The following HOXA5 variants were observed in gnomAD, a reference collection of about 807,000 sequenced individuals.
The protein encoded by HOXA5 is homeobox protein Hox-A5.
HOXA5 carries 12 observed loss-of-function variants against 20.0 expected under a neutral mutation model. The ratio of observed to expected loss-of-function variants is 0.60; its 90% CI spans 0.38 to 0.97. The LOEUF (loss-of-function observed/expected upper bound fraction) is 0.97. Among genes scored for constraint, HOXA5 ranks in the 50% least tolerant of loss-of-function variants. The probability of loss-of-function intolerance (pLI) is 0.00; values close to 1 mark genes in which losing one functional copy is unlikely to be tolerated. For missense variants in HOXA5, 352 were observed against 380.3 expected (o/e 0.93, Z 0.62); for synonymous variants, 159 against 157.7 (o/e 1.01, Z -0.06).
At position 27,143,435 on chromosome 7, in the gene HOXA5, C is replaced by A. The variant is rs1782646637; in HGVS notation, c.173G>T (p.Arg58Leu). 1.9e-6 allele frequency: 3 copies of A among 1,612,934 alleles called. No homozygotes were observed. The highest frequency in any genetic ancestry group is 2.5e-6 in the Non-Finnish European group (3 of 1,179,766). ...GYNGMDLSVG[R>L]SGSGHFGSGE... ...GGAGCCAAAGTGGCCGGAGCCCGAG[C>A]GGCCGACGCTGAGATCCATGCCATT... The change falls in exon 1 of 2, where the codon CGC becomes CTC. Residue 58 changes from arginine to leucine, a missense_variant. Arg to Leu is a moderately radical substitution (Grantham distance 102). Transcript: ENST00000222726.
rs1270485937 is a variant in HOXA5, at chr7:27,143,386, A to G, written c.222T>C (p.Ala74=). The change falls in exon 1 of 2, where the codon GCT becomes GCC. Residue 74 remains alanine, a synonymous_variant. Coordinates refer to ENST00000222726, the MANE Select transcript of HOXA5 (RefSeq NM_019102.4). ...FGSGERARSY[A]ASASAAPAEP... Reference sequence around the variant, plus strand: ...CGGCGGGCGCCGCGCTGGCGCTGGCAGCGTAGCTGCGGGCGCGCTCTCCGG... The same window carrying G: ...CGGCGGGCGCCGCGCTGGCGCTGGCGGCGTAGCTGCGGGCGCGCTCTCCGG... The G allele has an allele frequency of 2.5e-6, 4 of 1,600,520 alleles. No individual in the cohort carries two copies. In the African/African-American group the frequency reaches 5.4e-5, roughly 22 times the overall value.
chr7:27,143,668 C>G lies in HOXA5; in HGVS notation c.-61G>C. The G allele has an allele frequency of 1.3e-6, 2 of 1,524,138 alleles. No individual in the cohort carries two copies. The highest frequency in any genetic ancestry group is 4.1e-5 in the Admixed American group (2 of 48,546). 94.4% of individuals were successfully genotyped at this position (1,524,138 alleles called of 1,614,324 possible). A position where few individuals can be genotyped will look rare whatever the true frequency, so the allele number is the denominator to read the frequency against. On this transcript the variant is annotated 5_prime_UTR_variant, in exon 1 of 2. Coordinates refer to ENST00000222726, the MANE Select transcript of HOXA5 (RefSeq NM_019102.4). ...CGGTCGTTTGTGCGTCTATAGCACC[C>G]TTGCACAATTTATGATGAATTATGG...
In HOXA5 at chr7:27,141,739, C is replaced by G. The variant is rs1375227262; in HGVS notation, c.*96G>C. 4 of 1,470,236 alleles carry G rather than the reference C, an allele frequency of 2.7e-6. No homozygotes were observed. Among genetic ancestry groups the G allele is most frequent in the Non-Finnish European group, 3.7e-6 (4 of 1,085,888 alleles). The allele number at this position is 1,470,236 out of a possible 1,614,324, so 91.1% of individuals were successfully genotyped here. On this transcript the variant is annotated 3_prime_UTR_variant, in exon 2 of 2. Transcript: ENST00000222726. ...TAGGGCAACGAGAACAGGGCTTCTT[C>G]ACAGAAGGAACACAAGGGAGTTTCA...
chr7:27,141,128 A>AAAAAAAAAAAAAC lies in HOXA5; in HGVS notation c.*706_*707insGTTTTTTTTTTTT. On this transcript the variant is annotated 3_prime_UTR_variant, in exon 2 of 2. Coordinates refer to ENST00000222726, the MANE Select transcript of HOXA5 (RefSeq NM_019102.4). ...AAAACAAATACAAAAAAAAAAAAAA[A>AAAAAAAAAAAAAC]AAAAAAAAAGCTGATCACAGTTTGC... The AAAAAAAAAAAAAC allele has an allele frequency of 6.6e-6, 1 of 151,692 alleles. No homozygotes were observed. Among genetic ancestry groups the AAAAAAAAAAAAAC allele is most frequent in the South Asian group, 2.1e-4 (1 of 4,828 alleles). The allele number at this position is 151,692 out of a possible 1,614,324, so 9.4% of individuals were successfully genotyped here.
In HOXA5 at chr7:27,142,105, G is replaced by A. The variant is rs749882355; in HGVS notation, c.563-20C>T. ...TGTTGTCTGCAATAGAAAAGTCAGC[G>A]GTTTAGCCACCAACTCCTGTCTTCC... On this transcript the variant is annotated intron_variant, in intron 1 of 1. Coordinates refer to ENST00000222726, the MANE Select transcript of HOXA5 (RefSeq NM_019102.4). The A allele has an allele frequency of 1.2e-6, 2 of 1,606,164 alleles. No homozygotes were observed. Among genetic ancestry groups the A allele is most frequent in the Non-Finnish European group, 8.5e-7 (1 of 1,177,864 alleles).
chr7:27,141,844 G>A lies in HOXA5; in HGVS notation c.804C>T (p.Phe268=), dbSNP rs1463598698. The A allele has an allele frequency of 1.2e-6, 2 of 1,613,988 alleles. No homozygotes were observed. Among genetic ancestry groups the A allele is most frequent in the East Asian group, 4.5e-5 (2 of 44,884 alleles). The change falls in exon 2 of 2, where the codon TTC becomes TTT. Residue 268 remains phenylalanine (F), a synonymous_variant. Coordinates refer to ENST00000222726, the MANE Select transcript of HOXA5 (RefSeq NM_019102.4). ...SMSMAAAGGA[F]RP ...TTAAACGCTCAGATACTCAGGGACGGAAGGCCCCTCCTGCCGCGGCCATGC... is the reference window on the plus strand; with the variant it reads ...TTAAACGCTCAGATACTCAGGGACGAAAGGCCCCTCCTGCCGCGGCCATGC...
chr7:27,141,687 A>T lies in HOXA5; in HGVS notation c.*148T>A. 1.0e-6 allele frequency: 1 copy of T among 969,384 alleles called. No homozygotes were observed. The highest frequency in any genetic ancestry group is 2.5e-5 in the East Asian group (1 of 40,022). The allele number at this position is 969,384 out of a possible 1,614,324, so 60.0% of individuals were successfully genotyped here. On this transcript the variant is annotated 3_prime_UTR_variant, in exon 2 of 2. Coordinates refer to ENST00000222726, the MANE Select transcript of HOXA5 (RefSeq NM_019102.4). ...CTTATACAGGCGCTATAATGGCAAT[A>T]AACAGGCTCATGATTAAAAGATGAA...
Position 27,143,248 on chromosome 7 carries a change from G to A in HOXA5, c.360C>T (p.Asn120=). 2 of 1,608,634 alleles carry A rather than the reference G, an allele frequency of 1.2e-6. No individual in the cohort carries two copies. Among genetic ancestry groups the A allele is most frequent in the East Asian group, 4.5e-5 (2 of 44,804 alleles). Residue 120 remains asparagine, a synonymous_variant, in exon 1 of 2, where the codon AAC becomes AAT. Transcript: ENST00000222726. The stretch of plus-strand genomic sequence containing the variant: ...AGGCGCCGCTGGAGTTGCTTAGGGA[G>A]TTTTTCCCGCCGTGGTGGCTGTCGC... ...PGSDSHHGGK[N]SLSNSSGASA... is the part of the protein sequence containing the mutation.
At position 27,141,696 on chromosome 7, in the gene HOXA5, C is replaced by T; in HGVS notation, c.*139G>A. On this transcript the variant is annotated 3_prime_UTR_variant, in exon 2 of 2. Coordinates refer to ENST00000222726, the MANE Select transcript of HOXA5 (RefSeq NM_019102.4). Reference sequence around the variant, plus strand: ...GCGCTATAATGGCAATAAACAGGCTCATGATTAAAAGATGAATTAGGGCAA... The same window carrying T: ...GCGCTATAATGGCAATAAACAGGCTTATGATTAAAAGATGAATTAGGGCAA... The T allele has an allele frequency of 9.5e-7, 1 of 1,051,052 alleles. No homozygotes were observed. Among genetic ancestry groups the T allele is most frequent in the Non-Finnish European group, 1.4e-6 (1 of 722,978 alleles). The allele number at this position is 1,051,052 out of a possible 1,614,324, so 65.1% of individuals were successfully genotyped here. A position where few individuals can be genotyped will look rare whatever the true frequency, so the allele number is the denominator to read the frequency against.
At position 27,141,842 on chromosome 7, in the gene HOXA5, CG is replaced by C. The variant is rs1782579645; in HGVS notation, c.805del (p.Arg269ValfsTer8). 6.2e-7 allele frequency: 1 copy of C among 1,613,854 alleles called. No homozygotes were observed. The highest frequency in any genetic ancestry group is 1.7e-5 in the Admixed American group (1 of 60,024). On this transcript the variant is annotated frameshift_variant, in exon 2 of 2. Coordinates refer to ENST00000222726, the MANE Select transcript of HOXA5 (RefSeq NM_019102.4). LOFTEE classifies it high-confidence loss of function. Reference sequence around the variant, plus strand: ...CTTTAAACGCTCAGATACTCAGGGACGGAAGGCCCCTCCTGCCGCGGCCATG... The same window carrying C: ...CTTTAAACGCTCAGATACTCAGGGACGAAGGCCCCTCCTGCCGCGGCCATG... ...MSMAAAGGAFRP is the reference protein window; with the variant it reads ...MSMAAAGGAFXP
In HOXA5 at chr7:27,143,104, C is replaced by T. The variant is rs1782631772; in HGVS notation, c.504G>A (p.Pro168=). Residue 168 remains proline (P), a synonymous_variant, in exon 1 of 2, where the codon CCG becomes CCA. Transcript: ENST00000222726. ...AGATCTGGGGTTGGGCGGGCGGCGC[C>T]GGGCTCGGCTCGCTCTGCGCACTCG... is the stretch of plus-strand genomic sequence containing the variant. ...EQASAQSEPS[P]APPAQPQIYP... 1 of 1,569,648 alleles carries T rather than the reference C, an allele frequency of 6.4e-7. No homozygotes were observed. The highest frequency in any genetic ancestry group is 8.6e-7 in the Non-Finnish European group (1 of 1,163,238).
At position 27,141,536 on chromosome 7, in the gene HOXA5, C is replaced by A; in HGVS notation, c.*299G>T. ...GGGGACTTTTTGTGTGTTTTTTTTTCTCTTTTCTTTTTTTGTTATAGTTAC... is the reference window on the plus strand; with the variant it reads ...GGGGACTTTTTGTGTGTTTTTTTTTATCTTTTCTTTTTTTGTTATAGTTAC... On this transcript the variant is annotated 3_prime_UTR_variant, in exon 2 of 2. Transcript: ENST00000222726. 2 of 214,440 alleles carry A rather than the reference C, an allele frequency of 9.3e-6. No homozygotes were observed. The highest frequency in any genetic ancestry group is 1.8e-5 in the Non-Finnish European group (2 of 110,266). 13.3% of individuals were successfully genotyped at this position (214,440 alleles called of 1,614,324 possible).
At chr7:27,142,735 C>T (rs1554340905) in intron 1 of HOXA5, 1 of 376,870 alleles carries the variant, frequency 2.7e-6, no homozygotes, top group Non-Finnish European at 4.7e-6. Context: ...CCTCTCTGCG[C>T]CTTGCTCGGC....
chr7:27,142,962 C>T, intron 1 of HOXA5, 84 bp downstream of exon 1: 1 of 1,270,662 alleles, frequency 7.9e-7, no homozygotes, highest in Non-Finnish European at 1.1e-6. Context: ...CCAAGAGAGA[C>T]TGGGAGAGGG....
In HOXA5 at chr7:27,143,238, T is replaced by C. The variant is rs776457173; in HGVS notation, c.370A>G (p.Asn124Asp). 6.2e-7 allele frequency: 1 copy of C among 1,609,488 alleles called. No homozygotes were observed. Among genetic ancestry groups the C allele is most frequent in the African/African-American group, 1.3e-5 (1 of 74,826 alleles). The change falls in exon 1 of 2, where the codon AAC (asparagine) becomes GAC (aspartate). Residue 124 changes from asparagine to aspartate, a missense_variant. This residue lies in a region of HOXA5 where 319 missense variants were observed against 336.5 expected (regional missense o/e 0.95). Transcript: ENST00000222726. ...SHHGGKNSLSNSSGASADAGS... is the reference protein window; with the variant it reads ...SHHGGKNSLSDSSGASADAGS... ...GCGTCGGCCGAGGCGCCGCTGGAGTTGCTTAGGGAGTTTTTCCCGCCGTGG... is the reference window on the plus strand; with the variant it reads ...GCGTCGGCCGAGGCGCCGCTGGAGTCGCTTAGGGAGTTTTTCCCGCCGTGG...
At position 27,141,710 on chromosome 7, in the gene HOXA5, G is replaced by T; in HGVS notation, c.*125C>A. On this transcript the variant is annotated 3_prime_UTR_variant, in exon 2 of 2. Transcript: ENST00000222726. ...ATAAACAGGCTCATGATTAAAAGATGAATTAGGGCAACGAGAACAGGGCTT... is the reference window on the plus strand; with the variant it reads ...ATAAACAGGCTCATGATTAAAAGATTAATTAGGGCAACGAGAACAGGGCTT... 1 of 1,216,842 alleles carries T rather than the reference G, an allele frequency of 8.2e-7. No homozygotes were observed. Among genetic ancestry groups the T allele is most frequent in the Non-Finnish European group, 1.2e-6 (1 of 866,588 alleles). The allele number at this position is 1,216,842 out of a possible 1,614,324, so 75.4% of individuals were successfully genotyped here.
Position 27,141,113 on chromosome 7 carries a change from C to CAAAAAAAAAA in HOXA5, c.*712_*721dup, listed in dbSNP as rs147485948. 31 of 82,912 alleles carry CAAAAAAAAAA rather than the reference C, an allele frequency of 3.7e-4. No individual in the cohort carries two copies. Among genetic ancestry groups the CAAAAAAAAAA allele is most frequent in the African/African-American group, 9.3e-4 (19 of 20,386 alleles). The allele number at this position is 82,912 out of a possible 1,614,324, so 5.1% of individuals were successfully genotyped here. On this transcript the variant is annotated 3_prime_UTR_variant, in exon 2 of 2. Coordinates refer to ENST00000222726, the MANE Select transcript of HOXA5 (RefSeq NM_019102.4). The stretch of plus-strand genomic sequence containing the variant: ...AGTATTTTTTCCTTAAAAACAAATA[C>CAAAAAAAAAA]AAAAAAAAAAAAAAAAAAAAAAAAG...
At chr7:27,142,995 C>A (rs747387275) in intron 1 of HOXA5, 51 bp downstream of exon 1, 5 of 1,449,940 alleles carry the variant, frequency 3.4e-6, no homozygotes, top group Middle Eastern at 5.0e-4. Context: ...GAGGGGGGAC[C>A]GAGAGCCGCG....
rs557797046 is a variant in HOXA5, at chr7:27,143,463, A to G, written c.145T>C (p.Tyr49His). 2 of 1,613,828 alleles carry G rather than the reference A, an allele frequency of 1.2e-6. No homozygotes were observed. The highest frequency in any genetic ancestry group is 4.5e-5 in the East Asian group (2 of 44,846). Residue 49 changes from tyrosine to histidine, a missense_variant, in exon 1 of 2, where the codon TAC becomes CAC. By Grantham distance (83) the Tyr-to-His change is moderately conservative. Transcript: ENST00000222726. ...CCGACGCTGAGATCCATGCCATTGT[A>G]GCCGTAGCCGTACCTGCCGGAGTGC... ...SMHSGRYGYG[Y>H]NGMDLSVGRS... is the part of the protein sequence containing the mutation.
Sources: gnomAD v4.1 joint callset for allele counts on GRCh38, gnomAD v4.1.1 for gene constraint, gnomAD v4.1.1 regional missense constraint, MANE v1.5 for transcripts, NCBI Gene and HGNC (gene_info 2026-07-23, HGNC 2026-07-21) for gene names.